Variants in GUCY1A2 observed in about 807,000 individuals in gnomAD.
GUCY1A2 encodes guanylate cyclase 1 soluble subunit alpha 2.
GUCY1A2 carries 27 observed loss-of-function variants against 63.5 expected under a neutral mutation model. The observed-to-expected ratio is 0.43, with a 90% confidence interval of 0.31 to 0.59. The LOEUF is 0.59. Among genes scored for constraint, GUCY1A2 ranks in the 20% least tolerant of loss-of-function variants. GUCY1A2 has a pLI of 0.11. For synonymous variants in GUCY1A2, 364 were observed against 343.5 expected, an observed-to-expected ratio of 1.06 and a Z score of -0.66; for missense variants, 768 against 913.3, an observed-to-expected ratio of 0.84 and a Z score of 2.05.
chr11:106,837,179 A>G (rs1024733256), intron 4 of GUCY1A2, among the ~76,000 whole-genome samples: 2 of 151,784 alleles, frequency 1.3e-5, no homozygotes, highest in Admixed American at 1.3e-4. Context: ...CCCAGTGTCT[A>G]TTGTTTCCCT....
At chr11:106,816,710 C>T (rs772921644) in intron 4 of GUCY1A2, among the ~76,000 whole-genome samples, 4 of 150,960 alleles carry the variant, frequency 2.6e-5, no homozygotes, top group Non-Finnish European at 4.4e-5. Flanking sequence ...AGTCTAGCAA[C>T]ACTGATGAAA....
At chr11:107,008,116 T>C (rs1467356459) in intron 1 of GUCY1A2, among the ~76,000 whole-genome samples, 1 of 149,070 alleles carries the variant, frequency 6.7e-6, no homozygotes, top group Non-Finnish European at 1.5e-5. Context: ...AAACCCCTAA[T>C]AAACATACAA....
intron 5 of GUCY1A2, among the ~76,000 whole-genome samples, chr11:106,776,858 C>T (rs1864365993): frequency 6.6e-6 from 1 of 152,124 alleles, no homozygotes; most frequent in Non-Finnish European, 1.5e-5. Context: ...CCCACGAAAA[C>T]AGGACTGTCA....
intron 4 of GUCY1A2, among the ~76,000 whole-genome samples, chr11:106,931,951 C>T (rs1159732084): frequency 4.6e-5 from 7 of 151,702 alleles, no homozygotes; most frequent in Non-Finnish European, 1.0e-4. Flanking sequence ...TGTATACTTA[C>T]CAAAAAAGTA....
intron 4 of GUCY1A2, among the ~76,000 whole-genome samples, chr11:106,839,122 G>C (rs963604392): frequency 6.6e-6 from 1 of 152,020 alleles, no homozygotes; most frequent in Non-Finnish European, 1.5e-5. Flanking sequence ...TAACATTTAA[G>C]TCTTGAATCC....
chr11:106,714,978 A>G (rs963938896), intron 6 of GUCY1A2, among the ~76,000 whole-genome samples: 9 of 152,198 alleles, frequency 5.9e-5, no homozygotes, highest in Non-Finnish European at 8.8e-5. Flanking sequence ...TTATTTTAAG[A>G]GAGTGTTCAT....
intron 2 of GUCY1A2, among the ~76,000 whole-genome samples, chr11:106,980,011 G>C (rs1281388224): frequency 6.6e-6 from 1 of 152,198 alleles, no homozygotes; most frequent in Non-Finnish European, 1.5e-5. Context: ...AGCTGGTAGA[G>C]ATTGGGGATT....
At chr11:106,710,131 T>G in intron 6 of GUCY1A2, among the ~76,000 whole-genome samples, 1 of 102,152 alleles carries the variant, frequency 9.8e-6, no homozygotes, top group Non-Finnish European at 2.0e-5. Flanking sequence ...AATATAGTTA[T>G]ATATATAATA....
At chr11:106,756,058 T>C (rs1178716097) in intron 6 of GUCY1A2, among the ~76,000 whole-genome samples, 1 of 152,224 alleles carries the variant, frequency 6.6e-6, no homozygotes, top group Non-Finnish European at 1.5e-5. Flanking sequence ...ATATTTAGGA[T>C]AGTTAGCTCT....
intron 1 of GUCY1A2, among the ~76,000 whole-genome samples, chr11:106,998,580 C>G (rs1203456430): frequency 6.6e-6 from 1 of 152,174 alleles, no homozygotes; most frequent in Non-Finnish European, 1.5e-5. Context: ...AACATTTTAA[C>G]TTCCTTGCAT....
At position 106,870,107 on chromosome 11, in the gene GUCY1A2, AG is replaced by A. The variant is rs536416669; in HGVS notation, c.1207-59630del. Reference sequence around the variant, plus strand: ...ACATCACACACCAGGGCCTCTTGTGAGGGGGGGGGAGGGGGGAGGGATAGCA... The same window carrying A: ...ACATCACACACCAGGGCCTCTTGTGAGGGGGGGGAGGGGGGAGGGATAGCA... On this transcript the variant is annotated intron_variant, in intron 4 of 7. Coordinates refer to ENST00000526355, the MANE Select transcript of GUCY1A2 (RefSeq NM_000855.3). Among the ~76,000 whole-genome samples the A allele has an allele frequency of 2.7e-3, 118 of 43,962 alleles. 2 individuals carry two copies. Among genetic ancestry groups the A allele is most frequent in the East Asian group, 5.0e-3 (5 of 996 alleles). 28.8% of individuals were successfully genotyped at this position (43,962 alleles called of 152,430 possible). A position where few individuals can be genotyped will look rare whatever the true frequency, so the allele number is the denominator to read the frequency against.
chr11:106,813,565 G>T (rs910452732), intron 4 of GUCY1A2, among the ~76,000 whole-genome samples: 1 of 152,016 alleles, frequency 6.6e-6, no homozygotes, highest in Non-Finnish European at 1.5e-5. Context: ...CCTATCTTGA[G>T]CATGGCCTAA....
intron 4 of GUCY1A2, among the ~76,000 whole-genome samples, chr11:106,883,394 T>C (rs2135473005): frequency 6.6e-6 from 1 of 152,288 alleles, no homozygotes; most frequent in African/African-American, 2.4e-5. Context: ...CATTCATTCA[T>C]TCATTCATTC....
intron 6 of GUCY1A2, among the ~76,000 whole-genome samples, chr11:106,711,869 G>T (rs985941169): frequency 6.6e-6 from 1 of 151,932 alleles, no homozygotes; most frequent in African/African-American, 2.4e-5. Flanking sequence ...TGCTCCACTG[G>T]CTCCCATCTT....
At chr11:106,904,144 TA>T (rs1230079171) in intron 4 of GUCY1A2, among the ~76,000 whole-genome samples, 2 of 152,156 alleles carry the variant, frequency 1.3e-5, no homozygotes, top group African/African-American at 4.8e-5. Flanking sequence ...CAAAAAAATT[TA>T]TAAAACAATA....
chr11:106,829,293 T>C, intron 4 of GUCY1A2, among the ~76,000 whole-genome samples: 1 of 152,180 alleles, frequency 6.6e-6, no homozygotes, highest in East Asian at 1.9e-4. Context: ...TCACACAGTT[T>C]ATAAATTAAG....
intron 5 of GUCY1A2, among the ~76,000 whole-genome samples, chr11:106,783,439 C>T (rs1245580827): frequency 6.6e-6 from 1 of 152,024 alleles, no homozygotes; most frequent in Non-Finnish European, 1.5e-5. Context: ...CTGAGTATCT[C>T]CATGGGCTGC....
intron 6 of GUCY1A2, among the ~76,000 whole-genome samples, chr11:106,708,987 G>C (rs1271262025): frequency 1.3e-5 from 2 of 150,320 alleles, no homozygotes; most frequent in African/African-American, 4.9e-5. Flanking sequence ...AACTTGAAAA[G>C]TATATTTTTC....
At chr11:106,895,660 AT>A (rs1490332873) in intron 4 of GUCY1A2, among the ~76,000 whole-genome samples, 7 of 152,184 alleles carry the variant, frequency 4.6e-5, no homozygotes, top group Non-Finnish European at 7.3e-5. Flanking sequence ...CTGTGAGTTC[AT>A]TAAACCTCTT....
Sources: gnomAD v4.1 joint callset for allele counts (sites outside exome capture counted in the v4.1 genomes callset) on GRCh38, gnomAD v4.1.1 for gene constraint, MANE v1.5 for transcripts, NCBI Gene and HGNC (gene_info 2026-07-23, HGNC 2026-07-21) for gene names.